ALG6: variants seen among roughly 807,000 people sequenced by gnomAD.
ALG6 encodes ALG6 alpha-1,3-glucosyltransferase.
A neutral mutation model predicts 66.6 loss-of-function variants in ALG6; 46 were observed. That is an observed-to-expected ratio of 0.69 (90% confidence interval 0.55 to 0.88). The LOEUF (loss-of-function observed/expected upper bound fraction) is 0.88, where lower values mean the gene tolerates loss of function less well. Among genes scored for constraint, ALG6 ranks in the 40% least tolerant of loss-of-function variants. The pLI is 0.00. For synonymous variants in ALG6, 185 were observed against 203.7 expected (o/e 0.91, Z 0.78); for missense variants, 505 against 586.8 (o/e 0.86, Z 1.44).
intron 3 of ALG6, among the ~76,000 whole-genome samples, chr1:63,400,194 C>CAA (rs71577211): frequency 0.045 from 877 of 19,464 alleles, 105 homozygotes; most frequent in South Asian, 0.13. Context: ...AACTCTGTCT[C>CAA]AAAAAAAAAA....
chr1:63,386,727 T>C (rs1648513657), intron 2 of ALG6, among the ~76,000 whole-genome samples: 1 of 152,142 alleles, frequency 6.6e-6, no homozygotes, highest in Admixed American at 6.5e-5. Flanking sequence ...TGGCTAAAAG[T>C]GTCTCAATTT....
At chr1:63,416,498 A>G (rs532858209) in intron 11 of ALG6, among the ~76,000 whole-genome samples, 1 of 152,296 alleles carries the variant, frequency 6.6e-6, no homozygotes, top group Admixed American at 6.5e-5. Context: ...ATTAAACAAT[A>G]TAACTTGTGT....
chr1:63,402,776 G>A (rs1463388661), intron 4 of ALG6, among the ~76,000 whole-genome samples: 1 of 148,644 alleles, frequency 6.7e-6, no homozygotes, highest in Non-Finnish European at 1.5e-5. Context: ...CACTGCTATT[G>A]TATTGTGTAT....
chr1:63,402,415 G>T, intron 4 of ALG6, 72 bp downstream of exon 4: 5 of 919,814 alleles, frequency 5.4e-6, no homozygotes, highest in Middle Eastern at 2.6e-4. Flanking sequence ...GCAGTGTGAT[G>T]GGGCTTTCTT....
At chr1:63,412,537 C>T (rs1644522366) in intron 9 of ALG6, among the ~76,000 whole-genome samples, 1 of 152,142 alleles carries the variant, frequency 6.6e-6, no homozygotes, top group African/African-American at 2.4e-5. Context: ...ACAATTTTAA[C>T]AGCTGTGTAA....
intron 2 of ALG6, among the ~76,000 whole-genome samples, chr1:63,395,156 G>T (rs150964292): frequency 1.3e-5 from 2 of 152,054 alleles, no homozygotes; most frequent in Non-Finnish European, 2.9e-5. Flanking sequence ...GAGCCTCCGC[G>T]CCTGGCCAGA....
chr1:63,407,468 C>T (rs554232713), intron 7 of ALG6, among the ~76,000 whole-genome samples: 10 of 151,816 alleles, frequency 6.6e-5, no homozygotes, highest in South Asian at 2.1e-4. Context: ...TGTTATCTGA[C>T]GTGAAAAAAG....
chr1:63,403,076 C>A (rs1644473110), intron 4 of ALG6, among the ~76,000 whole-genome samples: 1 of 103,078 alleles, frequency 9.7e-6, no homozygotes, highest in Non-Finnish European at 1.7e-5. Flanking sequence ...TCCTGGGCAA[C>A]AGAGTGAGAC....
intron 3 of ALG6, among the ~76,000 whole-genome samples, chr1:63,400,851 A>G (rs1332240030): frequency 6.6e-6 from 1 of 152,162 alleles, no homozygotes; most frequent in African/African-American, 2.4e-5. Context: ...GTTTAACTCA[A>G]TGCTTCAACA....
At chr1:63,425,544 G>A (rs1454284789) in intron 12 of ALG6, among the ~76,000 whole-genome samples, 4 of 152,186 alleles carry the variant, frequency 2.6e-5, no homozygotes, top group Non-Finnish European at 4.4e-5. Flanking sequence ...GGAGGGAGAA[G>A]TGTGAAACAT....
chr1:63,398,542 G>A (rs888756336), intron 3 of ALG6, among the ~76,000 whole-genome samples: 12 of 152,038 alleles, frequency 7.9e-5, no homozygotes, highest in East Asian at 3.9e-4. Context: ...GCTCGATCTC[G>A]GCTCACTGCA....
chr1:63,422,986 T>C (rs546091339), intron 12 of ALG6, among the ~76,000 whole-genome samples: 1 of 149,204 alleles, frequency 6.7e-6, no homozygotes, highest in Non-Finnish European at 1.5e-5. Flanking sequence ...ATAGAAAAAA[T>C]GAGAGGAGAA....
intron 9 of ALG6, 95 bp downstream of exon 9, chr1:63,412,156 G>A: frequency 1.3e-6 from 2 of 1,534,664 alleles, no homozygotes; most frequent in Non-Finnish European, 1.8e-6. Context: ...AGGAACTTCA[G>A]CTACTTTCCT....
At chr1:63,378,707 A>G (rs532216844) in intron 2 of ALG6, among the ~76,000 whole-genome samples, 54 of 152,132 alleles carry the variant, frequency 3.5e-4, no homozygotes, top group Non-Finnish European at 7.6e-4. Flanking sequence ...TTATTCTTGT[A>G]CAACTCTTGT....
intron 2 of ALG6, among the ~76,000 whole-genome samples, chr1:63,392,613 A>G (rs113963065): frequency 4.0e-4 from 61 of 152,362 alleles, no homozygotes; most frequent in African/African-American, 1.5e-3. Flanking sequence ...TGAATAGTTC[A>G]ACAATTAATA....
intron 3 of ALG6, among the ~76,000 whole-genome samples, chr1:63,400,853 G>T (rs1361187559): frequency 6.6e-6 from 1 of 152,078 alleles, no homozygotes; most frequent in Non-Finnish European, 1.5e-5. Context: ...TTAACTCAAT[G>T]CTTCAACAGC....
chr1:63,373,913 C>A (rs530506381), intron 2 of ALG6, among the ~76,000 whole-genome samples: 1 of 151,954 alleles, frequency 6.6e-6, no homozygotes, highest in African/African-American at 2.4e-5. Flanking sequence ...TGAGCCACTG[C>A]GCCCAATTTT....
chr1:63,399,150 G>A (rs1644430830), intron 3 of ALG6, among the ~76,000 whole-genome samples: 1 of 152,178 alleles, frequency 6.6e-6, no homozygotes, highest in Non-Finnish European at 1.5e-5. Context: ...CTTGTTGGGA[G>A]CCACTCTTGG....
intron 2 of ALG6, among the ~76,000 whole-genome samples, chr1:63,375,449 A>G (rs1369568026): frequency 7.5e-6 from 1 of 133,328 alleles, no homozygotes; most frequent in African/African-American, 2.8e-5. Flanking sequence ...CAGTAGAGAC[A>G]GGATTTCCCC....
Sources: gnomAD v4.1 joint callset for allele counts (sites outside exome capture counted in the v4.1 genomes callset) on GRCh38, gnomAD v4.1.1 for gene constraint, MANE v1.5 for transcripts, NCBI Gene and HGNC (gene_info 2026-07-23, HGNC 2026-07-21) for gene names.